Variants in MEI4 observed in about 807,000 individuals in gnomAD.
MEI4 encodes meiotic double-stranded break formation protein 4.
In MEI4, 27 loss-of-function variants were observed where a neutral mutation model predicts 31.4. That is an observed-to-expected ratio of 0.86 (90% CI 0.63 to 1.19). MEI4 has a LOEUF of 1.19. MEI4 is among the 50% of genes most tolerant of loss of function. The probability of loss-of-function intolerance (pLI) is 0.00; values close to 1 mark genes in which losing one functional copy is unlikely to be tolerated. For synonymous variants in MEI4, 122 were observed against 145.4 expected, an observed-to-expected ratio of 0.84 and a Z score of 1.16; for missense variants, 329 against 398.9, an observed-to-expected ratio of 0.82 and a Z score of 1.49.
At chr6:77,922,979 TAAATATTTC>T in intron 4 of MEI4, 101 bp from the exon 5 acceptor site, 2 of 567,972 alleles carry the variant, frequency 3.5e-6, no homozygotes, top group Non-Finnish European at 2.6e-6. Flanking sequence ...CAGAAGGTGT[TAAATATTTC>T]AAATATATTT....
intron 4 of MEI4, among the ~76,000 whole-genome samples, chr6:77,904,513 C>T (rs1433530770): frequency 6.6e-6 from 1 of 151,998 alleles, no homozygotes; most frequent in Non-Finnish European, 1.5e-5. Context: ...TCTTTTTGTC[C>T]ATGTGTACTC....
chr6:77,804,822 T>C (rs933982247), intron 3 of MEI4, among the ~76,000 whole-genome samples: 31 of 152,226 alleles, frequency 2.0e-4, no homozygotes, highest in African/African-American at 7.5e-4. Context: ...CTATACATGA[T>C]AGCTATCTAG....
intron 4 of MEI4, among the ~76,000 whole-genome samples, chr6:77,908,775 G>A (rs1766360221): frequency 6.6e-6 from 1 of 151,970 alleles, no homozygotes; most frequent in Non-Finnish European, 1.5e-5. Flanking sequence ...AATGGTAAAG[G>A]GATCAATTCA....
rs568139198 is a variant in MEI4 at position 77,680,063 on chromosome 6, T to C, written c.-14-10595T>C. The stretch of plus-strand genomic sequence containing the variant: ...CATGAGTGTTGTATTTTTTTAAAAA[T>C]GGTCTTGTACATCCTGGCTAACACG... On this transcript the variant is annotated intron_variant, in intron 1 of 4. Coordinates refer to ENST00000684080, the MANE Select transcript of MEI4 (RefSeq NM_001322247.2). 1.9e-3 allele frequency among the ~76,000 whole-genome samples: 266 copies of C among 142,420 alleles called. 1 individual carries two copies. The highest frequency in any genetic ancestry group is 7.9e-3 in the Admixed American group (106 of 13,434). 93.4% of individuals were successfully genotyped at this position (142,420 alleles called of 152,430 possible). A position where few individuals can be genotyped will look rare whatever the true frequency, so the allele number is the denominator to read the frequency against.
chr6:77,827,318 G>C (rs1310924061), intron 3 of MEI4, among the ~76,000 whole-genome samples: 1 of 131,386 alleles, frequency 7.6e-6, no homozygotes, highest in Non-Finnish European at 1.5e-5. Context: ...TGGAGATCCC[G>C]CCACTGCACT....
intron 3 of MEI4, among the ~76,000 whole-genome samples, chr6:77,774,791 G>C (rs1451878833): frequency 1.3e-5 from 2 of 151,920 alleles, no homozygotes; most frequent in Non-Finnish European, 2.9e-5. Context: ...ATATAGACTG[G>C]AAAGGATTGG....
At chr6:77,901,064 A>T (rs1766178145) in intron 4 of MEI4, among the ~76,000 whole-genome samples, 1 of 152,078 alleles carries the variant, frequency 6.6e-6, no homozygotes, top group African/African-American at 2.4e-5. Flanking sequence ...TTAAGGCTGA[A>T]TAATAGTTCA....
chr6:77,730,608 A>C (rs1766954731), intron 2 of MEI4, among the ~76,000 whole-genome samples: 1 of 124,886 alleles, frequency 8.0e-6, no homozygotes, highest in Admixed American at 8.5e-5. Context: ...CTTATATATT[A>C]TTTATTTATT....
intron 2 of MEI4, among the ~76,000 whole-genome samples, chr6:77,711,467 T>A (rs1766465594): frequency 6.6e-6 from 1 of 152,198 alleles, no homozygotes; most frequent in South Asian, 2.1e-4. Flanking sequence ...AAGGAACTGA[T>A]GTGGACCTTT....
chr6:77,795,766 G>GA (rs71774242), intron 3 of MEI4, among the ~76,000 whole-genome samples: 20,089 of 143,560 alleles, frequency 0.14, 1,438 homozygotes, highest in Middle Eastern at 0.22. Flanking sequence ...GATTGCATTG[G>GA]AAAAAAAAAA....
At chr6:77,694,506 TAA>T in intron 2 of MEI4, among the ~76,000 whole-genome samples, 1 of 147,844 alleles carries the variant, frequency 6.8e-6, no homozygotes, top group East Asian at 2.0e-4. Context: ...AGTGAGAACA[TAA>T]GGTGTTTGGT....
intron 4 of MEI4, among the ~76,000 whole-genome samples, chr6:77,888,874 TAGTC>T (rs1161348233): frequency 6.6e-6 from 1 of 152,146 alleles, no homozygotes; most frequent in Non-Finnish European, 1.5e-5. Context: ...GTTCTCGTGA[TAGTC>T]AGTGAATTCT....
chr6:77,753,324 A>C (rs949674321), intron 2 of MEI4, among the ~76,000 whole-genome samples: 2 of 152,186 alleles, frequency 1.3e-5, no homozygotes, highest in African/African-American at 4.8e-5. Context: ...CAACCTACAG[A>C]ATGGGAGAAA....
chr6:77,774,547 T>C (rs1436408181), intron 3 of MEI4, among the ~76,000 whole-genome samples: 1 of 152,038 alleles, frequency 6.6e-6, no homozygotes, highest in Non-Finnish European at 1.5e-5. Flanking sequence ...TGTTGGGACA[T>C]AGAAGGCCTA....
intron 1 of MEI4, among the ~76,000 whole-genome samples, chr6:77,677,049 A>T (rs949385664): frequency 1.3e-5 from 2 of 152,216 alleles, no homozygotes; most frequent in African/African-American, 2.4e-5. Flanking sequence ...GAGGCAAATT[A>T]TGTGGGCTTA....
rs78443978 is a variant in MEI4 at position 77,715,060 on chromosome 6, C to T, written c.232+24157C>T. Among the ~76,000 whole-genome samples, 363 of 152,194 alleles carry T rather than the reference C, an allele frequency of 2.4e-3. 7 individuals are homozygous for T. The East Asian group carries it at 0.04, about 17-fold the overall frequency. ...TTTCAGTGCCCTTCCATTGCAACAC[C>T]TAACATGGGTTTGATGAATTAAACA... On this transcript the variant is annotated intron_variant, in intron 2 of 4. Coordinates refer to ENST00000684080, the MANE Select transcript of MEI4 (RefSeq NM_001322247.2).
intron 3 of MEI4, among the ~76,000 whole-genome samples, chr6:77,801,761 C>A (rs1207032507): frequency 6.6e-6 from 1 of 152,154 alleles, no homozygotes; most frequent in East Asian, 1.9e-4. Flanking sequence ...GCAGGTTGTT[C>A]AGTTTCCATG....
At chr6:77,665,076 G>T (rs112252697) in intron 1 of MEI4, among the ~76,000 whole-genome samples, 1 of 151,396 alleles carries the variant, frequency 6.6e-6, no homozygotes, top group Non-Finnish European at 1.5e-5. Flanking sequence ...GGGTTCGGGG[G>T]TTCTTACCTG....
At chr6:77,697,384 G>C (rs1435552106) in intron 2 of MEI4, among the ~76,000 whole-genome samples, 3 of 152,034 alleles carry the variant, frequency 2.0e-5, no homozygotes, top group African/African-American at 7.2e-5. Flanking sequence ...GATCTTTCCT[G>C]CTTTCTCTTG....
Sources: allele counts gnomAD v4.1 joint callset (sites outside exome capture counted in the v4.1 genomes callset), GRCh38; gene constraint gnomAD v4.1.1; transcripts MANE v1.5; gene names NCBI Gene and HGNC (gene_info 2026-07-23, HGNC 2026-07-21).